WWOX: variants seen among roughly 807,000 people sequenced by gnomAD.
WWOX encodes WW domain-containing oxidoreductase.
A neutral mutation model predicts 46.2 loss-of-function variants in WWOX; 69 were observed. That is an observed-to-expected ratio of 1.49 (90% CI 1.23 to 1.82). The LOEUF is 1.82. WWOX is among the 40% of genes most tolerant of loss of function. WWOX has a pLI of 0.00. For missense variants in WWOX, 919 were observed against 542.6 expected (o/e 1.69, Z -6.89); for synonymous variants, 359 against 202.6 (o/e 1.77, Z -6.56).
chr16:79,124,092 C>T (rs375735262), intron 8 of WWOX, among the ~76,000 whole-genome samples: 58 of 151,722 alleles, frequency 3.8e-4, no homozygotes, highest in African/African-American at 1.3e-3. Flanking sequence ...TCTGAAAGCC[C>T]TCCTGATTAA....
intron 8 of WWOX, among the ~76,000 whole-genome samples, chr16:78,960,873 T>C (rs892563340): frequency 1.3e-5 from 2 of 152,236 alleles, no homozygotes; most frequent in African/African-American, 2.4e-5. Flanking sequence ...CATACATAGC[T>C]CTTTTGAAGA....
At chr16:78,956,778 G>C (rs1213802344) in intron 8 of WWOX, among the ~76,000 whole-genome samples, 1 of 152,166 alleles carries the variant, frequency 6.6e-6, no homozygotes, top group East Asian at 1.9e-4. Flanking sequence ...CCCAGCCTCA[G>C]ACCTGTAGGG....
chr16:78,309,296 T>G (rs1212829176), intron 5 of WWOX, among the ~76,000 whole-genome samples: 1 of 152,214 alleles, frequency 6.6e-6, no homozygotes, highest in Non-Finnish European at 1.5e-5. Context: ...TTCCTGCCGC[T>G]TTGTGAACCT....
Position 79,146,232 on chromosome 16 carries a change from G to C in WWOX, c.1057-65376G>C, listed in dbSNP as rs115870821. On this transcript the variant is annotated intron_variant, in intron 8 of 8. Transcript: ENST00000566780. ...TAATGCAGAGGAGAAAACAAAAAGA[G>C]TCTTTTGCATTTTTATTTCTTATCA... Among the ~76,000 whole-genome samples the C allele has an allele frequency of 8.5e-4, 130 of 152,280 alleles. 1 individual carries two copies. The highest frequency in any genetic ancestry group is 3.1e-3 in the African/African-American group (127 of 41,560).
rs973098093 is a variant in WWOX, at chr16:78,114,469, G to A, written c.231-507G>A. ...CAAATCAAAATGAGTGCTCGTAGGA[G>A]GTATGAGTGCAGAGTCTTAAAATGA... On this transcript the variant is annotated intron_variant, in intron 3 of 8. Transcript: ENST00000566780. Among the ~76,000 whole-genome samples, 136 of 152,170 alleles carry A rather than the reference G, an allele frequency of 8.9e-4. 1 individual carries two copies. Among genetic ancestry groups the A allele is most frequent in the Admixed American group, 8.7e-3 (133 of 15,282 alleles).
intron 8 of WWOX, chr16:79,004,600 C>G (rs1482936567): frequency 6.6e-6 from 1 of 152,258 alleles, no homozygotes; most frequent in Non-Finnish European, 1.5e-5. Context: ...GGTTCCTGTT[C>G]AACCCTCTTA....
chr16:78,725,904 A>C (rs1422536331), intron 8 of WWOX, among the ~76,000 whole-genome samples: 3 of 147,694 alleles, frequency 2.0e-5, no homozygotes, highest in African/African-American at 7.5e-5. Context: ...CTCTGTCTCT[A>C]CTCCTTTTCT....
At chr16:78,123,468 G>GTTTTTTTTT (rs1368575694) in intron 4 of WWOX, 2 of 51,836 alleles carry the variant, frequency 3.9e-5, no homozygotes, top group Non-Finnish European at 7.0e-5. Context: ...TTTTTTTTTT[G>GTTTTTTTTT]TTTTTTTGAG....
At chr16:78,350,767 A>G (rs1030590084) in intron 5 of WWOX, among the ~76,000 whole-genome samples, 4 of 120,430 alleles carry the variant, frequency 3.3e-5, no homozygotes, top group African/African-American at 1.1e-4. Context: ...ACACTTGTCT[A>G]CACATTTTTG....
chr16:78,677,168 C>A (rs1412473930), intron 8 of WWOX, among the ~76,000 whole-genome samples: 1 of 152,120 alleles, frequency 6.6e-6, no homozygotes, highest in African/African-American at 2.4e-5. Flanking sequence ...TTGCTGTCCC[C>A]TGGGCAGGTG....
At chr16:78,603,681 G>A (rs528385429) in intron 8 of WWOX, among the ~76,000 whole-genome samples, 3 of 152,212 alleles carry the variant, frequency 2.0e-5, no homozygotes, top group African/African-American at 7.2e-5. Flanking sequence ...GCAACAGAGT[G>A]AGACACTCTC....
At chr16:78,403,587 T>A (rs60606759) in intron 6 of WWOX, among the ~76,000 whole-genome samples, 8,935 of 152,200 alleles carry the variant, frequency 0.059, 314 homozygotes, top group South Asian at 0.15. Flanking sequence ...GCTTTGAGGG[T>A]TGCATTTTAT....
At chr16:79,005,775 A>G (rs906106006) in intron 8 of WWOX, among the ~76,000 whole-genome samples, 3 of 152,214 alleles carry the variant, frequency 2.0e-5, no homozygotes, top group African/African-American at 7.2e-5. Context: ...ATAAGGTCAC[A>G]TTCTGAGGCC....
At chr16:78,486,466 A>G (rs907342882) in intron 8 of WWOX, among the ~76,000 whole-genome samples, 2 of 152,194 alleles carry the variant, frequency 1.3e-5, no homozygotes, top group Non-Finnish European at 2.9e-5. Context: ...CCCAACAACT[A>G]GGTCTTAAAG....
intron 5 of WWOX, among the ~76,000 whole-genome samples, chr16:78,298,665 C>T (rs2079984333): frequency 6.6e-6 from 1 of 152,104 alleles, no homozygotes; most frequent in African/African-American, 2.4e-5. Context: ...GTGGCACATG[C>T]CTGTAATTCC....
At chr16:78,933,288 A>T (rs774667610) in intron 8 of WWOX, among the ~76,000 whole-genome samples, 3 of 152,128 alleles carry the variant, frequency 2.0e-5, no homozygotes, top group Admixed American at 6.5e-5. Context: ...AAAATACAAA[A>T]ATTAGCTGAG....
rs547210065 is a variant in WWOX at position 79,150,306 on chromosome 16, G to GA, written c.1057-61301dup. Among the ~76,000 whole-genome samples, 158 of 152,298 alleles carry GA rather than the reference G, an allele frequency of 1.0e-3. 1 individual carries two copies. The highest frequency in any genetic ancestry group is 3.6e-3 in the African/African-American group (149 of 41,554). On this transcript the variant is annotated intron_variant, in intron 8 of 8. Coordinates refer to ENST00000566780, the MANE Select transcript of WWOX (RefSeq NM_016373.4). ...TGAGGATAATTCACACTAAACAAGG[G>GA]ATTTCACCTCTCTGACTCATGCATC...
intron 8 of WWOX, among the ~76,000 whole-genome samples, chr16:79,187,083 G>C (rs900607738): frequency 2.4e-4 from 36 of 152,190 alleles, no homozygotes; most frequent in African/African-American, 8.4e-4. Context: ...TATTGTGTTT[G>C]TTAGGGGGGT....
intron 8 of WWOX, among the ~76,000 whole-genome samples, chr16:79,109,010 C>A (rs2049364063): frequency 6.6e-6 from 1 of 152,038 alleles, no homozygotes; most frequent in African/African-American, 2.4e-5. Context: ...CTGGCATGAG[C>A]TTGGCAGATG....
Sources: gnomAD v4.1 joint callset for allele counts (sites outside exome capture counted in the v4.1 genomes callset) on GRCh38, gnomAD v4.1.1 for gene constraint, MANE v1.5 for transcripts, NCBI Gene and HGNC (gene_info 2026-07-23, HGNC 2026-07-21) for gene names.